The following PTPRK variants were observed in gnomAD, a reference collection of about 807,000 sequenced individuals.
PTPRK encodes protein tyrosine phosphatase receptor type K, also known as receptor-type tyrosine-protein phosphatase kappa.
PTPRK carries 75 observed loss-of-function variants against 178.0 expected under a neutral mutation model. The observed-to-expected ratio is 0.42, with a 90% CI of 0.35 to 0.51. PTPRK has a LOEUF of 0.51. Ranked by LOEUF, PTPRK falls within the 20% of genes least tolerant of loss-of-function variation. PTPRK has a pLI of 0.02. For synonymous variants in PTPRK, 637 were observed against 620.6 expected, an observed-to-expected ratio of 1.03 and a Z score of -0.39; for missense variants, 1,441 against 1,797.8, an observed-to-expected ratio of 0.80 and a Z score of 3.59.
intron 1 of PTPRK, among the ~76,000 whole-genome samples, chr6:128,510,214 G>A (rs1390395141): frequency 1.3e-5 from 2 of 152,084 alleles, no homozygotes; most frequent in Admixed American, 1.3e-4. Flanking sequence ...GGTCCATTAC[G>A]GACCATTAAA....
intron 1 of PTPRK, among the ~76,000 whole-genome samples, chr6:128,451,080 C>A (rs554027981): frequency 1.3e-5 from 2 of 152,246 alleles, no homozygotes; most frequent in African/African-American, 2.4e-5. Context: ...AAAATTTGAG[C>A]TCTTAAGCCA....
At chr6:128,502,966 A>G (rs1020147848) in intron 1 of PTPRK, among the ~76,000 whole-genome samples, 26 of 152,146 alleles carry the variant, frequency 1.7e-4, no homozygotes, top group African/African-American at 6.3e-4. Flanking sequence ...GGTGGCTCAC[A>G]TCTGTAATCT....
intron 1 of PTPRK, among the ~76,000 whole-genome samples, chr6:128,486,199 A>C (rs1046670315): frequency 6.9e-6 from 1 of 144,546 alleles, no homozygotes; most frequent in East Asian, 1.9e-4. Flanking sequence ...TTTTTTAGTT[A>C]GTTTAGTTTA....
At chr6:128,123,485 A>G (rs1792813359) in intron 7 of PTPRK, among the ~76,000 whole-genome samples, 1 of 152,136 alleles carries the variant, frequency 6.6e-6, no homozygotes, top group South Asian at 2.1e-4. Context: ...ATAGTTATGC[A>G]TTTACAGGAA....
At chr6:128,197,706 G>C (rs966086048) in intron 6 of PTPRK, among the ~76,000 whole-genome samples, 1 of 151,806 alleles carries the variant, frequency 6.6e-6, no homozygotes, top group African/African-American at 2.4e-5. Context: ...CTGGGGAGGG[G>C]GGACAATCAA....
intron 5 of PTPRK, among the ~76,000 whole-genome samples, chr6:128,228,349 T>C (rs960743170): frequency 4.6e-5 from 7 of 151,940 alleles, no homozygotes; most frequent in Non-Finnish European, 7.4e-5. Context: ...CTACAAATCA[T>C]AGTTTTTTAA....
intron 3 of PTPRK, among the ~76,000 whole-genome samples, chr6:128,280,995 T>TA (rs1201925562): frequency 6.6e-6 from 1 of 152,184 alleles, no homozygotes; most frequent in Non-Finnish European, 1.5e-5. Flanking sequence ...ATCTAGGTGA[T>TA]AGTGATTTCT....
intron 1 of PTPRK, among the ~76,000 whole-genome samples, chr6:128,403,699 T>C (rs996687438): frequency 2.6e-5 from 4 of 152,166 alleles, no homozygotes; most frequent in African/African-American, 9.7e-5. Flanking sequence ...AAGAGAAATA[T>C]GGTTTCCATC....
At chr6:127,975,617 CTAA>C (rs1379321933) in intron 27 of PTPRK, among the ~76,000 whole-genome samples, 1 of 152,154 alleles carries the variant, frequency 6.6e-6, no homozygotes, top group Non-Finnish European at 1.5e-5. Flanking sequence ...ATGAAAGTTA[CTAA>C]TGTTTTCTTT....
chr6:128,076,623 T>G (rs990968148), intron 11 of PTPRK, among the ~76,000 whole-genome samples: 1 of 152,066 alleles, frequency 6.6e-6, no homozygotes, highest in Non-Finnish European at 1.5e-5. Flanking sequence ...AGCACTAATC[T>G]CCAACAATGT....
intron 8 of PTPRK, 60 bp downstream of exon 8, chr6:128,089,625 TTAAAG>T (rs1211140588): frequency 4.2e-6 from 6 of 1,435,854 alleles, no homozygotes; most frequent in Admixed American, 3.5e-5. Flanking sequence ...TAGGAAAATC[TTAAAG>T]TAATCACATT....
At chr6:127,980,167 G>T (rs151241424) in intron 25 of PTPRK, among the ~76,000 whole-genome samples, 7 of 152,130 alleles carry the variant, frequency 4.6e-5, no homozygotes, top group Admixed American at 2.0e-4. Flanking sequence ...AAAATTAGCC[G>T]TGCATGGTGG....
chr6:127,996,998 C>T lies in PTPRK; in HGVS notation c.2680-10G>A. On this transcript the variant is annotated splice_polypyrimidine_tract_variant and intron_variant, in intron 16 of 29. Coordinates refer to ENST00000368226, the MANE Select transcript of PTPRK (RefSeq NM_002844.4). ...GTCCTTCAAAAAAGCTCTGGGAAAACAAAACGAATAAGCAGACTGAATTTA... is the reference window on the plus strand; with the variant it reads ...GTCCTTCAAAAAAGCTCTGGGAAAATAAAACGAATAAGCAGACTGAATTTA... 1 of 1,608,768 alleles carries T rather than the reference C, an allele frequency of 6.2e-7. No homozygotes were observed. Among genetic ancestry groups the T allele is most frequent in the Non-Finnish European group, 8.5e-7 (1 of 1,176,728 alleles).
intron 14 of PTPRK, among the ~76,000 whole-genome samples, chr6:128,006,810 T>C (rs1034354300): frequency 6.6e-6 from 1 of 150,974 alleles, no homozygotes; most frequent in Admixed American, 6.6e-5. Flanking sequence ...TTTTGAAAGA[T>C]GCAATATCCC....
intron 13 of PTPRK, among the ~76,000 whole-genome samples, chr6:128,060,245 A>C: frequency 6.6e-6 from 1 of 152,142 alleles, no homozygotes; most frequent in Non-Finnish European, 1.5e-5. Context: ...TCTAGTTCTG[A>C]TCTTATGCTT....
At chr6:128,417,916 T>C (rs1843020403) in intron 1 of PTPRK, among the ~76,000 whole-genome samples, 1 of 152,170 alleles carries the variant, frequency 6.6e-6, no homozygotes, top group Non-Finnish European at 1.5e-5. Flanking sequence ...CTCACACTCT[T>C]CACATTCTGG....
intron 13 of PTPRK, among the ~76,000 whole-genome samples, chr6:128,015,143 A>G (rs1779464902): frequency 1.3e-5 from 2 of 151,708 alleles, no homozygotes; most frequent in East Asian, 3.9e-4. Flanking sequence ...GAGTCTCTAA[A>G]TTTGTTTTGG....
At chr6:128,277,660 G>GGAC (rs1290952123) in intron 3 of PTPRK, among the ~76,000 whole-genome samples, 14 of 152,272 alleles carry the variant, frequency 9.2e-5, no homozygotes, top group African/African-American at 3.1e-4. Flanking sequence ...GTTGGGGAAA[G>GGAC]GACGCATATT....
At chr6:128,411,049 G>A (rs1390406875) in intron 1 of PTPRK, among the ~76,000 whole-genome samples, 2 of 152,076 alleles carry the variant, frequency 1.3e-5, no homozygotes, top group Admixed American at 6.6e-5. Context: ...ATGCCACGAC[G>A]CCTGGCTAAT....
Sources: gnomAD v4.1 joint callset for allele counts (sites outside exome capture counted in the v4.1 genomes callset) on GRCh38, gnomAD v4.1.1 for gene constraint, MANE v1.5 for transcripts, NCBI Gene and HGNC (gene_info 2026-07-23, HGNC 2026-07-21) for gene names.